Variants in CACNA1C observed in about 807,000 individuals in gnomAD.
CACNA1C encodes the protein voltage-dependent L-type calcium channel subunit alpha-1C.
In CACNA1C, 30 loss-of-function variants were observed where a neutral mutation model predicts 229.0. The ratio of observed to expected loss-of-function variants is 0.13; its 90% confidence interval spans 0.10 to 0.18. The LOEUF is 0.18. Ranked by LOEUF, CACNA1C falls within the 10% of genes least tolerant of loss-of-function variation. CACNA1C has a pLI of 1.00. For missense variants in CACNA1C, 1,658 were observed against 2,845.0 expected (o/e 0.58, Z 9.49); for synonymous variants, 1,114 against 1,132.5 (o/e 0.98, Z 0.33).
chr12:2,629,146 T>C (rs948457864), intron 29 of CACNA1C, among the ~76,000 whole-genome samples: 2 of 152,124 alleles, frequency 1.3e-5, no homozygotes, highest in African/African-American at 2.4e-5. Context: ...AAGACAACGG[T>C]GATGACGAGA....
intron 29 of CACNA1C, among the ~76,000 whole-genome samples, chr12:2,621,235 T>C (rs1568860221): frequency 6.6e-6 from 1 of 151,594 alleles, no homozygotes. Flanking sequence ...TCAGATGGGG[T>C]AAGGGCTGGG....
At chr12:2,644,841 C>G (rs557867702) in intron 30 of CACNA1C, among the ~76,000 whole-genome samples, 2 of 152,310 alleles carry the variant, frequency 1.3e-5, no homozygotes, top group South Asian at 4.1e-4. Flanking sequence ...CTGCACCACT[C>G]CCCTCCTCAC....
At chr12:2,321,138 C>T (rs1356535403) in intron 3 of CACNA1C, among the ~76,000 whole-genome samples, 2 of 152,142 alleles carry the variant, frequency 1.3e-5, no homozygotes, top group Non-Finnish European at 2.9e-5. Context: ...CTCAGGCAGC[C>T]AGTGTCACCT....
intron 3 of CACNA1C, among the ~76,000 whole-genome samples, chr12:2,149,670 T>G (rs768160068): frequency 6.6e-6 from 1 of 152,162 alleles, no homozygotes; most frequent in African/African-American, 2.4e-5. Context: ...TGACCTGAAA[T>G]GCAGGGCGAG....
intron 3 of CACNA1C, among the ~76,000 whole-genome samples, chr12:2,177,992 T>G (rs2096720025): frequency 6.6e-6 from 1 of 152,116 alleles, no homozygotes; most frequent in Non-Finnish European, 1.5e-5. Flanking sequence ...AGCATGAAGA[T>G]GAGACACACC....
chr12:2,247,956 A>G (rs1341385005), intron 3 of CACNA1C, among the ~76,000 whole-genome samples: 1 of 152,030 alleles, frequency 6.6e-6, no homozygotes, highest in Non-Finnish European at 1.5e-5. Context: ...GCCAGAAAGA[A>G]CTCTTCTCTC....
rs1357646479 is a variant in CACNA1C, at chr12:2,692,841, C to T, written c.*1642C>T. 3 of 152,536 alleles carry T rather than the reference C, an allele frequency of 2.0e-5. 1 individual carries two copies. Among genetic ancestry groups the T allele is most frequent in the African/African-American group, 7.2e-5 (3 of 41,396 alleles). The allele number at this position is 152,536 out of a possible 1,614,324, so 9.4% of individuals were successfully genotyped here. On this transcript the variant is annotated 3_prime_UTR_variant, in exon 47 of 47. Transcript: ENST00000399655. The stretch of plus-strand genomic sequence containing the variant: ...AAAACTGAATTGCAATTGTGCCAAG[C>T]GAATATAATGAATTGAATTAAGTTG...
chr12:2,519,444 C>T lies in CACNA1C; in HGVS notation c.1390+6460C>T, dbSNP rs547899600. Among the ~76,000 whole-genome samples the T allele has an allele frequency of 5.3e-5, 8 of 152,356 alleles. No homozygotes were observed. In the South Asian group the frequency reaches 6.2e-4, roughly 12 times the overall value. ...CTCAGAATTGACTTCCTTGTGGCAT[C>T]ACCGATGACATCCTTTCAAAGTCAT... On this transcript the variant is annotated intron_variant, in intron 9 of 46. Transcript: ENST00000399655.
chr12:2,498,003 A>ACACACACACC (rs370883428), intron 7 of CACNA1C, among the ~76,000 whole-genome samples: 1 of 149,136 alleles, frequency 6.7e-6, no homozygotes, highest in African/African-American at 2.5e-5. Flanking sequence ...ACACACACAC[A>ACACACACACC]ACAGCTATTA....
chr12:2,089,003 A>G (rs775545084), intron 1 of CACNA1C, among the ~76,000 whole-genome samples: 19 of 152,268 alleles, frequency 1.2e-4, no homozygotes, highest in Middle Eastern at 3.4e-3. Flanking sequence ...TACTTCTGGG[A>G]GACCCTGTGG....
intron 29 of CACNA1C, among the ~76,000 whole-genome samples, chr12:2,631,730 G>A (rs967337669): frequency 2.0e-5 from 3 of 152,284 alleles, no homozygotes; most frequent in Admixed American, 1.3e-4. Context: ...CCTCACCCAC[G>A]CCCTGGTCAG....
At chr12:2,088,621 A>G (rs1403605177) in intron 1 of CACNA1C, among the ~76,000 whole-genome samples, 3 of 152,182 alleles carry the variant, frequency 2.0e-5, no homozygotes, top group African/African-American at 7.2e-5. Context: ...TTATTTTTAA[A>G]CAGGTATTTT....
intron 3 of CACNA1C, among the ~76,000 whole-genome samples, chr12:2,414,560 G>A (rs2098844242): frequency 6.6e-6 from 1 of 152,126 alleles, no homozygotes; most frequent in Non-Finnish European, 1.5e-5. Context: ...CAGTGTCAAA[G>A]GAAGGGCAGC....
Position 2,585,983 on chromosome 12 carries a change from A to G in CACNA1C, c.2530+79A>G. 1.3e-6 allele frequency: 1 copy of G among 786,522 alleles called. No individual in the cohort carries two copies. Among genetic ancestry groups the G allele is most frequent in the Non-Finnish European group, 2.0e-6 (1 of 489,854 alleles). The allele number at this position is 786,522 out of a possible 1,614,324, so 48.7% of individuals were successfully genotyped here. On this transcript the variant is annotated intron_variant, in intron 18 of 46. Coordinates refer to ENST00000399655, the MANE Select transcript of CACNA1C (RefSeq NM_000719.7). This position sits in a 1 kb window ranked among gnomAD's most constrained non-coding sequence, Gnocchi z 4.1. ...ATTCTAAAGCCACGTGGGAGTGGCC[A>G]TATATTAGGGACCATGGTTCCAGTG... is the stretch of plus-strand genomic sequence containing the variant.
intron 8 of CACNA1C, among the ~76,000 whole-genome samples, chr12:2,509,881 G>A (rs1389724723): frequency 6.6e-6 from 1 of 152,200 alleles, no homozygotes; most frequent in Non-Finnish European, 1.5e-5. Context: ...GACTGAAAGT[G>A]CCACGAGTAT....
intron 9 of CACNA1C, among the ~76,000 whole-genome samples, chr12:2,523,698 C>T (rs2099813932): frequency 6.6e-6 from 1 of 152,200 alleles, no homozygotes; most frequent in Admixed American, 6.5e-5. Context: ...AGAGTAGGCA[C>T]TCAGTAAAGA....
At chr12:2,056,465 A>C (rs1246338155) in intron 1 of CACNA1C, among the ~76,000 whole-genome samples, 1 of 152,194 alleles carries the variant, frequency 6.6e-6, no homozygotes, top group Admixed American at 6.5e-5. Flanking sequence ...CAACCATTGA[A>C]CAAATAAAAC....
chr12:2,078,001 G>A (rs927200020), intron 1 of CACNA1C, among the ~76,000 whole-genome samples: 1 of 152,232 alleles, frequency 6.6e-6, no homozygotes, highest in Non-Finnish European at 1.5e-5. Flanking sequence ...TATACATACT[G>A]CTGTGGACTG....
At chr12:2,135,480 T>A (rs1156952196) in intron 3 of CACNA1C, among the ~76,000 whole-genome samples, 2 of 135,398 alleles carry the variant, frequency 1.5e-5, no homozygotes, top group Non-Finnish European at 3.1e-5. Flanking sequence ...TACAGATGGG[T>A]TTTTGGTGTG....
Sources: gnomAD v4.1 joint callset for allele counts (sites outside exome capture counted in the v4.1 genomes callset) on GRCh38, gnomAD v4.1.1 for gene constraint, Gnocchi (gnomAD v3.1) non-coding constraint, MANE v1.5 for transcripts, NCBI Gene and HGNC (gene_info 2026-07-23, HGNC 2026-07-21) for gene names.